The following EHD4 variants were observed in gnomAD, a reference collection of about 807,000 sequenced individuals.
The protein encoded by EHD4 is EH domain containing 4.
A neutral mutation model predicts 51.0 loss-of-function variants in EHD4; 37 were observed. The observed-to-expected ratio is 0.73, with a 90% confidence interval of 0.56 to 0.95. The LOEUF (loss-of-function observed/expected upper bound fraction) is 0.95, where lower values mean the gene tolerates loss of function less well. EHD4 is among the 40% of genes least tolerant of loss of function. The probability of loss-of-function intolerance (pLI) is 0.00; values close to 1 mark genes in which losing one functional copy is unlikely to be tolerated. For missense variants in EHD4, 632 were observed against 733.1 expected (o/e 0.86, Z 1.59); for synonymous variants, 297 against 317.3 (o/e 0.94, Z 0.68).
intron 5 of EHD4, among the ~76,000 whole-genome samples, chr15:41,906,244 G>C (rs755499410): frequency 6.6e-6 from 1 of 152,106 alleles, no homozygotes; most frequent in Non-Finnish European, 1.5e-5. Flanking sequence ...TTTTTACACT[G>C]TTATGTCCAC....
At chr15:41,902,918 G>A (rs997055584) in intron 5 of EHD4, among the ~76,000 whole-genome samples, 2 of 150,928 alleles carry the variant, frequency 1.3e-5, no homozygotes, top group South Asian at 2.1e-4. Flanking sequence ...CCTGTATAAG[G>A]AGAAGAGCTC....
At position 41,896,954 on chromosome 15, in the gene EHD4, A is replaced by C. The variant is rs1353840609; in HGVS notation, c.*3691T>G. On this transcript the variant is annotated 3_prime_UTR_variant, in exon 6 of 6. Coordinates refer to ENST00000220325, the MANE Select transcript of EHD4 (RefSeq NM_139265.4). The stretch of plus-strand genomic sequence containing the variant: ...TTCTCCCCCGGTTCAACCTGGATCC[A>C]GGGATCCACACTCTGCTCCGAGAGG... 6.6e-6 allele frequency: 1 copy of C among 152,142 alleles called. No homozygotes were observed. Among genetic ancestry groups the C allele is most frequent in the East Asian group, 1.9e-4 (1 of 5,190 alleles). 9.4% of individuals were successfully genotyped at this position (152,142 alleles called of 1,614,324 possible). A position where few individuals can be genotyped will look rare whatever the true frequency, so the allele number is the denominator to read the frequency against.
chr15:41,953,837 CT>C lies in EHD4; in HGVS notation c.339del (p.Asn115MetfsTer3). 1 of 1,614,074 alleles carries C rather than the reference CT, an allele frequency of 6.2e-7. No individual in the cohort carries two copies. Among genetic ancestry groups the C allele is most frequent in the Non-Finnish European group, 8.5e-7 (1 of 1,180,008 alleles). ...TTGGGGTCCACGACTAAAGCATTCC[CT>C]GGGGTGCTGCCCTCAGTCTCTCCAT... The part of the protein sequence containing the change: ...VMYGETEGST[P>X]GNALVVDPKK... On this transcript the variant is annotated frameshift_variant, in exon 2 of 6. Coordinates refer to ENST00000220325, the MANE Select transcript of EHD4 (RefSeq NM_139265.4). LOFTEE classifies it high-confidence loss of function.
At chr15:41,930,485 G>A (rs1167964611) in intron 3 of EHD4, among the ~76,000 whole-genome samples, 2 of 152,218 alleles carry the variant, frequency 1.3e-5, no homozygotes, top group Non-Finnish European at 2.9e-5. Flanking sequence ...TGGTTCAGAA[G>A]GGCAAAGGTA....
At chr15:41,938,800 A>C (rs899384771) in intron 3 of EHD4, among the ~76,000 whole-genome samples, 2 of 152,264 alleles carry the variant, frequency 1.3e-5, no homozygotes, top group Admixed American at 1.3e-4. Context: ...GCACCTTGAA[A>C]ATGCCAAATG....
chr15:41,925,050 ACTGTAT>A (rs1346396829), intron 3 of EHD4, among the ~76,000 whole-genome samples: 44 of 108,532 alleles, frequency 4.1e-4, no homozygotes, highest in Non-Finnish European at 3.0e-4. Context: ...ACAGCGAGGG[ACTGTAT>A]CTCAAAAAAA....
At chr15:41,951,718 C>T (rs909288480) in intron 2 of EHD4, among the ~76,000 whole-genome samples, 13 of 152,170 alleles carry the variant, frequency 8.5e-5, no homozygotes, top group Non-Finnish European at 1.8e-4. Flanking sequence ...TTTCTGGGGC[C>T]TCCTGTTCTG....
chr15:41,902,207 A>T (rs2067482093), intron 5 of EHD4, among the ~76,000 whole-genome samples: 1 of 152,022 alleles, frequency 6.6e-6, no homozygotes, highest in Admixed American at 6.6e-5. Flanking sequence ...GGCACCGTAG[A>T]AACTGACCTT....
At chr15:41,914,317 T>C (rs2067569020) in intron 4 of EHD4, among the ~76,000 whole-genome samples, 2 of 151,976 alleles carry the variant, frequency 1.3e-5, no homozygotes, top group Admixed American at 6.6e-5. Context: ...GAAACCTGCA[T>C]AGAGTATTTA....
intron 3 of EHD4, among the ~76,000 whole-genome samples, chr15:41,933,328 C>G (rs549679871): frequency 6.6e-6 from 1 of 152,194 alleles, no homozygotes; most frequent in Non-Finnish European, 1.5e-5. Flanking sequence ...TGCTGTTTCC[C>G]TCTCACTCTG....
At chr15:41,906,981 T>C (rs546478398) in intron 5 of EHD4, among the ~76,000 whole-genome samples, 5 of 152,344 alleles carry the variant, frequency 3.3e-5, no homozygotes, top group African/African-American at 1.2e-4. Context: ...GAGATCATGC[T>C]TTCCTTGTTG....
chr15:41,913,688 A>C (rs1039591805), intron 4 of EHD4, among the ~76,000 whole-genome samples: 1 of 152,236 alleles, frequency 6.6e-6, no homozygotes, highest in Non-Finnish European at 1.5e-5. Flanking sequence ...CAGTAATGAG[A>C]GAGAGGGCTC....
intron 3 of EHD4, among the ~76,000 whole-genome samples, chr15:41,932,135 T>C (rs1178833633): frequency 1.3e-5 from 2 of 152,178 alleles, no homozygotes; most frequent in East Asian, 3.8e-4. Context: ...ACAGCCTGAA[T>C]GTCACCCACC....
chr15:41,972,516 G>A lies in EHD4; in HGVS notation c.-22C>T. On this transcript the variant is annotated 5_prime_UTR_variant, in exon 1 of 6. Coordinates refer to ENST00000220325, the MANE Select transcript of EHD4 (RefSeq NM_139265.4). ...ACATCCTGCCGCCAGTCCACGCTCGGATGGGACCCTGCTCCGGGTTCGACT... is the reference window on the plus strand; with the variant it reads ...ACATCCTGCCGCCAGTCCACGCTCGAATGGGACCCTGCTCCGGGTTCGACT... 2 of 1,483,074 alleles carry A rather than the reference G, an allele frequency of 1.3e-6. No individual in the cohort carries two copies. The highest frequency in any genetic ancestry group is 1.8e-6 in the Non-Finnish European group (2 of 1,120,398). The allele number at this position is 1,483,074 out of a possible 1,614,324, so 91.9% of individuals were successfully genotyped here. A position where few individuals can be genotyped will look rare whatever the true frequency, so the allele number is the denominator to read the frequency against.
intron 1 of EHD4, among the ~76,000 whole-genome samples, chr15:41,971,773 C>G (rs1436167325): frequency 6.6e-6 from 1 of 152,184 alleles, no homozygotes; most frequent in Non-Finnish European, 1.5e-5. Context: ...GTAAAGACCT[C>G]AAGGGAAGGG....
intron 1 of EHD4, among the ~76,000 whole-genome samples, chr15:41,963,365 G>C (rs530852591): frequency 6.6e-6 from 1 of 151,214 alleles, no homozygotes; most frequent in Non-Finnish European, 1.5e-5. Context: ...TTGGGAGGCC[G>C]AGACAGGCAG....
At chr15:41,939,994 A>T (rs565699251) in intron 3 of EHD4, among the ~76,000 whole-genome samples, 34 of 151,560 alleles carry the variant, frequency 2.2e-4, no homozygotes, top group African/African-American at 6.8e-4. Context: ...TTTTTTTTTT[A>T]AATAAATAGG....
At chr15:41,906,606 G>A (rs1221308253) in intron 5 of EHD4, among the ~76,000 whole-genome samples, 1 of 152,214 alleles carries the variant, frequency 6.6e-6, no homozygotes, top group African/African-American at 2.4e-5. Flanking sequence ...GCAGTGGTGG[G>A]GTCGAGCTGG....
chr15:41,917,411 G>A (rs2067592209), intron 4 of EHD4, among the ~76,000 whole-genome samples: 1 of 152,174 alleles, frequency 6.6e-6, no homozygotes. Flanking sequence ...AAGCCACCGT[G>A]CCCGGCCTCC....
Sources: gnomAD v4.1 joint callset for allele counts (sites outside exome capture counted in the v4.1 genomes callset) on GRCh38, gnomAD v4.1.1 for gene constraint, MANE v1.5 for transcripts, NCBI Gene and HGNC (gene_info 2026-07-23, HGNC 2026-07-21) for gene names.